Variants in PTCHD4 observed in about 807,000 individuals in gnomAD.
The protein encoded by PTCHD4 is patched domain containing 4.
A neutral mutation model predicts 58.1 loss-of-function variants in PTCHD4; 33 were observed. The observed-to-expected ratio is 0.57, with a 90% CI of 0.43 to 0.76. The LOEUF (loss-of-function observed/expected upper bound fraction) is 0.76, where lower values mean the gene tolerates loss of function less well. Ranked by LOEUF, PTCHD4 falls within the 30% of genes least tolerant of loss-of-function variation. The pLI, the probability that PTCHD4 is intolerant of heterozygous loss-of-function variation, is 0.00. For synonymous variants in PTCHD4, 478 were observed against 409.6 expected (o/e 1.17, Z -2.02); for missense variants, 1,058 against 1,027.1 (o/e 1.03, Z -0.41).
intron 1 of PTCHD4, among the ~76,000 whole-genome samples, chr6:48,095,009 G>A (rs1433658449): frequency 6.6e-6 from 1 of 152,164 alleles, no homozygotes; most frequent in African/African-American, 2.4e-5. Flanking sequence ...TTTGGGGACA[G>A]GGTAGTATAG....
chr6:48,099,544 T>A lies in PTCHD4; in HGVS notation c.-970+11505A>T, dbSNP rs190250977. 1.9e-3 allele frequency among the ~76,000 whole-genome samples: 289 copies of A among 152,314 alleles called. 3 individuals carry two copies. The highest frequency in any genetic ancestry group is 6.8e-3 in the African/African-American group (281 of 41,582). The stretch of plus-strand genomic sequence containing the variant: ...TATAGAATATAAATCCTAGGAATAT[T>A]CTCTGATTATTTCAGAATCCAGGAA... On this transcript the variant is annotated intron_variant, in intron 1 of 4. Coordinates refer to ENST00000339488, the MANE Select transcript of PTCHD4 (RefSeq NM_001384253.1).
At chr6:48,098,344 T>TCTTCTTCTTCTTCTTCTTCTTCTTCTTC (rs1172430988) in intron 1 of PTCHD4, among the ~76,000 whole-genome samples, 109 of 137,762 alleles carry the variant, frequency 7.9e-4, no homozygotes, top group Admixed American at 1.1e-3. Context: ...TTCTTCTTCT[T>TCTTCTTCTTCTTCTTCTTCTTCTTCTTC]TTTTTTTTTT....
intron 1 of PTCHD4, among the ~76,000 whole-genome samples, chr6:48,080,250 T>C (rs936556849): frequency 3.9e-5 from 6 of 152,170 alleles, no homozygotes; most frequent in Non-Finnish European, 5.9e-5. Flanking sequence ...TTCAGCCTTT[T>C]AGCTAAAAAA....
rs555861242 is a variant in PTCHD4 at position 47,890,079 on chromosome 6, A to G, written c.899-10143T>C. On this transcript the variant is annotated intron_variant, in intron 4 of 4. Transcript: ENST00000339488. ...TGTGTGTGTTTGTGCATATATACAG[A>G]TATACACCCATATCACATACGTATA... 1.8e-3 allele frequency among the ~76,000 whole-genome samples: 206 copies of G among 114,034 alleles called. 8 individuals carry two copies. The East Asian group carries it at 0.078, about 43-fold the overall frequency. 74.8% of individuals were successfully genotyped at this position (114,034 alleles called of 152,430 possible).
chr6:48,090,582 GAA>G (rs201064296), intron 1 of PTCHD4, among the ~76,000 whole-genome samples: 8 of 151,104 alleles, frequency 5.3e-5, no homozygotes, highest in African/African-American at 1.9e-4. Context: ...CACTAGGCTG[GAA>G]AAAAAAATCT....
At chr6:47,961,791 A>C (rs1016830922) in intron 4 of PTCHD4, among the ~76,000 whole-genome samples, 3 of 152,198 alleles carry the variant, frequency 2.0e-5, no homozygotes, top group Non-Finnish European at 4.4e-5. Context: ...AATTTACTGC[A>C]CTAAACACCT....
intron 1 of PTCHD4, among the ~76,000 whole-genome samples, chr6:48,074,324 T>C (rs2113887103): frequency 6.6e-6 from 1 of 152,080 alleles, no homozygotes; most frequent in African/African-American, 2.4e-5. Context: ...GACTCAAGAG[T>C]GTAATTAAGA....
chr6:47,892,032 T>C (rs554805373), intron 4 of PTCHD4, among the ~76,000 whole-genome samples: 1 of 152,280 alleles, frequency 6.6e-6, no homozygotes, highest in African/African-American at 2.4e-5. Flanking sequence ...AATATGTTAG[T>C]TGTGTTATCA....
intron 1 of PTCHD4, among the ~76,000 whole-genome samples, chr6:48,105,040 C>A (rs1234636780): frequency 1.3e-5 from 2 of 152,128 alleles, no homozygotes; most frequent in Non-Finnish European, 2.9e-5. Context: ...TTAGACAGAT[C>A]AATGAGACAG....
intron 3 of PTCHD4, among the ~76,000 whole-genome samples, chr6:48,049,145 G>A (rs332561): frequency 0.87 from 131,515 of 151,876 alleles, 56,918 homozygotes; most frequent in Middle Eastern, 0.87. Flanking sequence ...GGGACACTTG[G>A]CAATGTTTGG....
At chr6:47,926,071 A>C (rs954976283) in intron 4 of PTCHD4, among the ~76,000 whole-genome samples, 2 of 152,166 alleles carry the variant, frequency 1.3e-5, no homozygotes, top group African/African-American at 4.8e-5. Context: ...AGCTCAACTT[A>C]TCTGCGTTAT....
At chr6:47,981,913 G>C (rs2114011650) in intron 4 of PTCHD4, among the ~76,000 whole-genome samples, 1 of 152,212 alleles carries the variant, frequency 6.6e-6, no homozygotes, top group Admixed American at 6.5e-5. Context: ...GATTACTCCT[G>C]TTTTGCTCAA....
At chr6:48,102,456 G>A (rs1765625015) in intron 1 of PTCHD4, among the ~76,000 whole-genome samples, 1 of 152,282 alleles carries the variant, frequency 6.6e-6, no homozygotes, top group Non-Finnish European at 1.5e-5. Context: ...AAAATGAAAA[G>A]CATTTTAAAA....
rs1437932178 is a variant in PTCHD4 at position 48,017,778 on chromosome 6, A to T, written c.418-8664T>A. On this transcript the variant is annotated intron_variant, in intron 3 of 4. Coordinates refer to ENST00000339488, the MANE Select transcript of PTCHD4 (RefSeq NM_001384253.1). ...GCCAATCACTTGATTCGTGTGTCTG[A>T]CTCCACATTCTTAACACAACTGCCC... Among the ~76,000 whole-genome samples the T allele has an allele frequency of 2.0e-5, 3 of 152,114 alleles. No homozygotes were observed. In the East Asian group the frequency reaches 5.8e-4, roughly 29 times the overall value.
chr6:48,048,993 C>G (rs1429858079), intron 3 of PTCHD4, among the ~76,000 whole-genome samples: 1 of 151,904 alleles, frequency 6.6e-6, no homozygotes, highest in East Asian at 1.9e-4. Context: ...TGATTGACAA[C>G]ATTCACTGTG....
chr6:48,050,130 G>T (rs1030457388), intron 3 of PTCHD4, among the ~76,000 whole-genome samples: 2 of 151,938 alleles, frequency 1.3e-5, no homozygotes. Context: ...ATAATAAAGA[G>T]AAATAGTTTT....
intron 3 of PTCHD4, among the ~76,000 whole-genome samples, chr6:48,020,617 A>G (rs529216667): frequency 1.3e-5 from 2 of 152,130 alleles, no homozygotes; most frequent in Non-Finnish European, 2.9e-5. Flanking sequence ...AAAGACAAAT[A>G]AAGGGAGGAT....
intron 1 of PTCHD4, among the ~76,000 whole-genome samples, chr6:48,104,231 C>T (rs1447424614): frequency 6.6e-6 from 1 of 152,142 alleles, no homozygotes; most frequent in Non-Finnish European, 1.5e-5. Context: ...AAGGGAAGCC[C>T]ATCAGACTAA....
intron 4 of PTCHD4, among the ~76,000 whole-genome samples, chr6:47,937,788 C>A (rs987762998): frequency 1.3e-5 from 2 of 152,054 alleles, no homozygotes; most frequent in African/African-American, 4.8e-5. Flanking sequence ...AGAGAGGGGA[C>A]CTGCAATGGA....
Sources: gnomAD v4.1 joint callset for allele counts (sites outside exome capture counted in the v4.1 genomes callset) on GRCh38, gnomAD v4.1.1 for gene constraint, MANE v1.5 for transcripts, NCBI Gene and HGNC (gene_info 2026-07-23, HGNC 2026-07-21) for gene names.